Variants in DNAAF11 observed in about 807,000 individuals in gnomAD.
DNAAF11 encodes the protein dynein axonemal assembly factor 11, also known as leucine rich repeat containing 6.
DNAAF11 carries 45 observed loss-of-function variants against 60.8 expected under a neutral mutation model. The ratio of observed to expected loss-of-function variants is 0.74; its 90% confidence interval spans 0.58 to 0.95. DNAAF11 has a LOEUF of 0.95. Among genes scored for constraint, DNAAF11 ranks in the 40% least tolerant of loss-of-function variants. DNAAF11 has a pLI of 0.00. For synonymous variants in DNAAF11, 191 were observed against 183.5 expected (o/e 1.04, Z -0.33); for missense variants, 546 against 546.2 (o/e 1.00, Z 0.00).
intron 3 of DNAAF11, among the ~76,000 whole-genome samples, chr8:132,640,584 T>C (rs1563668667): frequency 6.6e-6 from 1 of 152,138 alleles, no homozygotes; most frequent in Admixed American, 6.5e-5. Flanking sequence ...ATTTGATACA[T>C]CTAAGGGTCA....
chr8:132,643,667 A>G, intron 3 of DNAAF11: 1 of 456,290 alleles, frequency 2.2e-6, no homozygotes, highest in South Asian at 1.5e-5. Context: ...CGTCCACATC[A>G]GGAAGTCAAT....
intron 10 of DNAAF11, 99 bp from the exon 11 acceptor site, chr8:132,583,878 AAT>A: frequency 1.2e-6 from 1 of 818,434 alleles, no homozygotes. Flanking sequence ...AAAACATTTT[AAT>A]TTTTTCTCTA....
At chr8:132,671,920 AG>A (rs1011340816) in intron 1 of DNAAF11, among the ~76,000 whole-genome samples, 8 of 150,852 alleles carry the variant, frequency 5.3e-5, no homozygotes, top group African/African-American at 7.5e-5. Context: ...TAAAATTTCT[AG>A]GAAAAAAAAG....
intron 10 of DNAAF11, among the ~76,000 whole-genome samples, chr8:132,593,424 C>T (rs1816687615): frequency 6.9e-6 from 1 of 144,102 alleles, no homozygotes. Context: ...AGAGACAAAT[C>T]TTAGAACACC....
chr8:132,666,907 T>G (rs1177088324), intron 1 of DNAAF11, among the ~76,000 whole-genome samples: 2 of 152,162 alleles, frequency 1.3e-5, no homozygotes, highest in African/African-American at 4.8e-5. Context: ...TATCTTCAGC[T>G]GAGACACAGA....
chr8:132,594,139 T>C (rs1390429007), intron 10 of DNAAF11, among the ~76,000 whole-genome samples: 1 of 152,092 alleles, frequency 6.6e-6, no homozygotes, highest in Non-Finnish European at 1.5e-5. Context: ...AAAAATCAGA[T>C]AAGGAATGAA....
At chr8:132,604,684 T>G (rs941928031) in intron 10 of DNAAF11, among the ~76,000 whole-genome samples, 1 of 152,138 alleles carries the variant, frequency 6.6e-6, no homozygotes, top group African/African-American at 2.4e-5. Flanking sequence ...TACATAGAAC[T>G]TAGTTTGATT....
At chr8:132,611,824 T>A (rs1030563871) in intron 8 of DNAAF11, among the ~76,000 whole-genome samples, 4 of 152,138 alleles carry the variant, frequency 2.6e-5, no homozygotes, top group Non-Finnish European at 1.5e-5. Flanking sequence ...ACTAGATTGC[T>A]TCTCCCCTCA....
chr8:132,634,484 G>C lies in DNAAF11; in HGVS notation c.430-1521C>G, dbSNP rs558280072. Among the ~76,000 whole-genome samples, 8 of 152,110 alleles carry C rather than the reference G, an allele frequency of 5.3e-5. 1 individual carries two copies. The highest frequency in any genetic ancestry group is 1.9e-4 in the African/African-American group (8 of 41,532). ...ATACCATTACTTATGAGACCATAAT[G>C]ATAAATTCAATGCAATAAAACCTAT... is the stretch of plus-strand genomic sequence containing the variant. On this transcript the variant is annotated intron_variant, in intron 4 of 11. Transcript: ENST00000620350.
At chr8:132,618,785 A>C (rs1819453035) in intron 7 of DNAAF11, among the ~76,000 whole-genome samples, 1 of 152,200 alleles carries the variant, frequency 6.6e-6, no homozygotes, top group African/African-American at 2.4e-5. Flanking sequence ...TATCATTAAA[A>C]AGTCAGGAAA....
intron 10 of DNAAF11, among the ~76,000 whole-genome samples, chr8:132,592,740 C>G (rs1231911936): frequency 1.3e-5 from 2 of 152,008 alleles, no homozygotes; most frequent in African/African-American, 4.8e-5. Context: ...TGATTGTTAT[C>G]TCTGCCAAGA....
At chr8:132,651,964 T>C (rs1409148259) in intron 3 of DNAAF11, among the ~76,000 whole-genome samples, 2 of 152,238 alleles carry the variant, frequency 1.3e-5, no homozygotes, top group Non-Finnish European at 2.9e-5. Context: ...TTGGTAATGG[T>C]AATTTTTGAG....
At chr8:132,648,063 G>C (rs1274450109) in intron 3 of DNAAF11, among the ~76,000 whole-genome samples, 1 of 152,056 alleles carries the variant, frequency 6.6e-6, no homozygotes, top group African/African-American at 2.4e-5. Context: ...CAAAAAAAGA[G>C]AGTTTCAGGC....
chr8:132,612,750 C>A (rs1163912475), intron 8 of DNAAF11, among the ~76,000 whole-genome samples: 1 of 152,116 alleles, frequency 6.6e-6, no homozygotes, highest in African/African-American at 2.4e-5. Flanking sequence ...AGGAAGCAGG[C>A]GTGAACGAAT....
At chr8:132,624,965 T>A (rs1023189438) in intron 6 of DNAAF11, among the ~76,000 whole-genome samples, 7 of 152,142 alleles carry the variant, frequency 4.6e-5, no homozygotes, top group Non-Finnish European at 7.4e-5. Flanking sequence ...TTTTCTAGGC[T>A]AGAAATACTA....
chr8:132,664,235 G>C (rs1024642181), intron 1 of DNAAF11, among the ~76,000 whole-genome samples: 2 of 152,150 alleles, frequency 1.3e-5, no homozygotes, highest in Non-Finnish European at 2.9e-5. Flanking sequence ...TGGTTAAGTC[G>C]AATGTGTTCA....
At chr8:132,648,895 T>C (rs1466700072) in intron 3 of DNAAF11, among the ~76,000 whole-genome samples, 1 of 152,212 alleles carries the variant, frequency 6.6e-6, no homozygotes, top group Non-Finnish European at 1.5e-5. Flanking sequence ...TCCATGCTCA[T>C]GGATAGGAAG....
At chr8:132,576,706 G>C (rs190414433) in intron 11 of DNAAF11, among the ~76,000 whole-genome samples, 26 of 152,200 alleles carry the variant, frequency 1.7e-4, no homozygotes, top group African/African-American at 6.0e-4. Context: ...TGTTGAACTG[G>C]TATCATGCAA....
At chr8:132,605,573 A>G (rs1818043609) in intron 10 of DNAAF11, among the ~76,000 whole-genome samples, 1 of 152,118 alleles carries the variant, frequency 6.6e-6, no homozygotes, top group African/African-American at 2.4e-5. Context: ...GACAGACAAC[A>G]CTCCCTGTTC....
Sources: gnomAD v4.1 joint callset for allele counts (sites outside exome capture counted in the v4.1 genomes callset) on GRCh38, gnomAD v4.1.1 for gene constraint, MANE v1.5 for transcripts, NCBI Gene and HGNC (gene_info 2026-07-23, HGNC 2026-07-21) for gene names.